Variants in SMAD2 observed in about 807,000 individuals in gnomAD.
SMAD2 encodes the protein SMAD family member 2, also known as MAD homolog 2.
In SMAD2, 8 loss-of-function variants were observed where a neutral mutation model predicts 64.4. The observed-to-expected ratio is 0.12, with a 90% confidence interval of 0.07 to 0.22. SMAD2 has a LOEUF of 0.22. Among genes scored for constraint, SMAD2 ranks in the 10% least tolerant of loss-of-function variants. The pLI is 1.00. For synonymous variants in SMAD2, 203 were observed against 195.8 expected, an observed-to-expected ratio of 1.04 and a Z score of -0.31; for missense variants, 289 against 561.2, an observed-to-expected ratio of 0.51 and a Z score of 4.90.
chr18:47,870,700 C>T, intron 2 of SMAD2, 136 bp from the exon 3 acceptor site: 1 of 732,308 alleles, frequency 1.4e-6, no homozygotes, highest in East Asian at 2.6e-5. Flanking sequence ...CACTTTTTCA[C>T]AGGCATGTAG....
At chr18:47,915,252 A>G (rs1038843233) in intron 1 of SMAD2, among the ~76,000 whole-genome samples, 2 of 152,108 alleles carry the variant, frequency 1.3e-5, no homozygotes. Flanking sequence ...ATGTTCCCCC[A>G]TGGTCATTTA....
intron 7 of SMAD2, among the ~76,000 whole-genome samples, chr18:47,850,384 A>ATACATAATATG (rs1555646299): frequency 2.3e-4 from 5 of 22,184 alleles, no homozygotes; most frequent in African/African-American, 1.6e-3. Flanking sequence ...TATATATATT[A>ATACATAATATG]TATAATATAT....
chr18:47,865,164 C>G, intron 5 of SMAD2, 31 bp from the exon 6 acceptor site: 2 of 1,232,086 alleles, frequency 1.6e-6, no homozygotes, highest in Non-Finnish European at 2.4e-6. Context: ...TCAAGCACAG[C>G]TGCAACATAA....
intron 2 of SMAD2, among the ~76,000 whole-genome samples, chr18:47,872,263 A>C (rs1210403501): frequency 6.6e-6 from 1 of 152,164 alleles, no homozygotes; most frequent in Non-Finnish European, 1.5e-5. Flanking sequence ...CTAGCTAGTA[A>C]AATCATTGCC....
chr18:47,882,023 A>C (rs2032621378), intron 2 of SMAD2, among the ~76,000 whole-genome samples: 1 of 112,598 alleles, frequency 8.9e-6, no homozygotes, highest in African/African-American at 3.2e-5. Context: ...AACCACAGGA[A>C]TGTACTACCA....
chr18:47,867,913 T>C (rs965910361), intron 5 of SMAD2, among the ~76,000 whole-genome samples: 8 of 152,178 alleles, frequency 5.3e-5, no homozygotes, highest in Non-Finnish European at 1.2e-4. Context: ...TTCTGTTAAA[T>C]ATTACCAAGT....
rs57448043 is a variant in SMAD2 at position 47,820,896 on chromosome 18, T to TACACACACACACACACACACAC, written c.*20909_*20930dup. ...TAGTGTAAATGCTATACATGCACTA[T>TACACACACACACACACACACAC]ACACACACACACACACACACACACA... is the stretch of plus-strand genomic sequence containing the variant. On this transcript the variant is annotated 3_prime_UTR_variant, in exon 11 of 11. Coordinates refer to ENST00000262160, the MANE Select transcript of SMAD2 (RefSeq NM_005901.6). 5 of 148,224 alleles carry TACACACACACACACACACACAC rather than the reference T, an allele frequency of 3.4e-5. No homozygotes were observed. The highest frequency in any genetic ancestry group is 1.3e-4 in the African/African-American group (5 of 39,418). The allele number at this position is 148,224 out of a possible 1,614,324, so 9.2% of individuals were successfully genotyped here.
rs922468565 is a variant in SMAD2, at chr18:47,810,082, A to G, written c.*31745T>C. On this transcript the variant is annotated 3_prime_UTR_variant, in exon 11 of 11. Transcript: ENST00000262160. ...AGGGCTTCTGCCATCCTGCCTGCCT[A>G]GACGAGCTGATCTGAGTACAATCAC... The G allele has an allele frequency of 2.0e-5, 3 of 152,200 alleles. No individual in the cohort carries two copies. Among genetic ancestry groups the G allele is most frequent in the African/African-American group, 7.2e-5 (3 of 41,440 alleles). 9.4% of individuals were successfully genotyped at this position (152,200 alleles called of 1,614,324 possible).
chr18:47,887,606 A>C (rs2032978849), intron 2 of SMAD2, among the ~76,000 whole-genome samples: 1 of 152,138 alleles, frequency 6.6e-6, no homozygotes, highest in Non-Finnish European at 1.5e-5. Flanking sequence ...ATTATGTCTT[A>C]CTAACGTCTA....
intron 2 of SMAD2, among the ~76,000 whole-genome samples, chr18:47,873,863 G>T (rs1483483818): frequency 1.3e-5 from 2 of 152,116 alleles, no homozygotes; most frequent in Non-Finnish European, 2.9e-5. Context: ...ACACTGCAGG[G>T]GGGTTGTTTT....
At chr18:47,849,437 A>C (rs1914866108) in intron 7 of SMAD2, among the ~76,000 whole-genome samples, 2 of 151,818 alleles carry the variant, frequency 1.3e-5, no homozygotes, top group South Asian at 4.2e-4. Flanking sequence ...AGAAATTGTG[A>C]AATAGGGTAA....
At chr18:47,879,622 A>C (rs2032471415) in intron 2 of SMAD2, among the ~76,000 whole-genome samples, 1 of 151,958 alleles carries the variant, frequency 6.6e-6, no homozygotes. Context: ...ATTATTGTGA[A>C]TAAAGTTGTC....
intron 6 of SMAD2, among the ~76,000 whole-genome samples, chr18:47,859,158 T>C (rs1482953890): frequency 3.9e-5 from 6 of 152,146 alleles, no homozygotes; most frequent in Non-Finnish European, 7.4e-5. Flanking sequence ...ATTCCAAATG[T>C]GTATCATCTA....
rs577825788 is a variant in SMAD2, at chr18:47,826,215, T to TA, written c.*15611dup. ...TTTCAAACCAAATAGGCCACTCTAT[T>TA]AAGTCCCAGCTTGAGCATTCTTCAG... On this transcript the variant is annotated 3_prime_UTR_variant, in exon 11 of 11. Coordinates refer to ENST00000262160, the MANE Select transcript of SMAD2 (RefSeq NM_005901.6). The TA allele has an allele frequency of 9.8e-5, 15 of 152,292 alleles. No individual in the cohort carries two copies. The highest frequency in any genetic ancestry group is 1.8e-4 in the Non-Finnish European group (12 of 68,062). The allele number at this position is 152,292 out of a possible 1,614,324, so 9.4% of individuals were successfully genotyped here.
At chr18:47,872,535 C>G (rs991455613) in intron 2 of SMAD2, among the ~76,000 whole-genome samples, 1 of 152,144 alleles carries the variant, frequency 6.6e-6, no homozygotes, top group Non-Finnish European at 1.5e-5. Flanking sequence ...AAGCAGGAGT[C>G]TCAGAGGCCA....
chr18:47,921,355 C>G (rs2034552228), intron 1 of SMAD2, among the ~76,000 whole-genome samples: 1 of 152,084 alleles, frequency 6.6e-6, no homozygotes, highest in South Asian at 2.1e-4. Flanking sequence ...ACACAAAAAC[C>G]TAGTAAAGCT....
At position 47,823,599 on chromosome 18, in the gene SMAD2, A is replaced by C. The variant is rs1393444570; in HGVS notation, c.*18228T>G. The C allele has an allele frequency of 6.6e-6, 1 of 152,256 alleles. No individual in the cohort carries two copies. The highest frequency in any genetic ancestry group is 1.5e-5 in the Non-Finnish European group (1 of 68,040). 9.4% of individuals were successfully genotyped at this position (152,256 alleles called of 1,614,324 possible). ...AGTCTCATGCTGATGTATGGGTCAC[A>C]CAAAAGTTCACCATACCAACCAATG... On this transcript the variant is annotated 3_prime_UTR_variant, in exon 11 of 11. Transcript: ENST00000262160.
intron 1 of SMAD2, among the ~76,000 whole-genome samples, chr18:47,904,973 C>T (rs1038360012): frequency 3.9e-5 from 6 of 152,146 alleles, no homozygotes; most frequent in African/African-American, 1.2e-4. Context: ...AAGATGTCCA[C>T]GGTTACCCTT....
intron 1 of SMAD2, among the ~76,000 whole-genome samples, chr18:47,908,096 AT>A (rs1161394308): frequency 1.3e-4 from 20 of 152,254 alleles, no homozygotes; most frequent in Non-Finnish European, 2.9e-5. Flanking sequence ...AAGCTTCAAC[AT>A]GCCAATGCAC....
Sources: allele counts gnomAD v4.1 joint callset (sites outside exome capture counted in the v4.1 genomes callset), GRCh38; gene constraint gnomAD v4.1.1; transcripts MANE v1.5; gene names NCBI Gene and HGNC (gene_info 2026-07-23, HGNC 2026-07-21).